The following SULF2 variants were observed in gnomAD, a reference collection of about 807,000 sequenced individuals.
SULF2 encodes extracellular sulfatase Sulf-2.
Under a neutral mutation model 107.7 loss-of-function variants are expected in SULF2, and 52 were observed. The ratio of observed to expected loss-of-function variants is 0.48; its 90% CI spans 0.39 to 0.61. SULF2 has a LOEUF of 0.61. Ranked by LOEUF, SULF2 falls within the 20% of genes least tolerant of loss-of-function variation. SULF2 has a pLI of 0.00. For synonymous variants in SULF2, 460 were observed against 464.3 expected (o/e 0.99, Z 0.12); for missense variants, 993 against 1,177.3 (o/e 0.84, Z 2.29).
chr20:47,786,150 T>C (rs1277183149), upstream of SULF2: 1 of 152,240 alleles, frequency 6.6e-6, no homozygotes, highest in African/African-American at 2.4e-5. Flanking sequence ...CAGAGCCTTG[T>C]GTGCACGTGT....
chr20:47,781,921 A>G (rs1487170962), intron 1 of SULF2, among the ~76,000 whole-genome samples: 2 of 152,168 alleles, frequency 1.3e-5, no homozygotes, highest in Non-Finnish European at 2.9e-5. Flanking sequence ...GTGGATAGGA[A>G]TGGATTCTCA....
At chr20:47,690,079 C>A (rs201675264) in intron 5 of SULF2, 47 bp downstream of exon 5, 20 of 1,357,426 alleles carry the variant, frequency 1.5e-5, no homozygotes, top group South Asian at 4.4e-5. Flanking sequence ...TGACCCTCCC[C>A]CTTCATGCTA....
chr20:47,710,074 T>A (rs976995228), intron 3 of SULF2, among the ~76,000 whole-genome samples: 5 of 152,082 alleles, frequency 3.3e-5, no homozygotes, highest in African/African-American at 7.2e-5. Context: ...GCTAATTTTT[T>A]AATTTTTAGT....
At chr20:47,733,839 A>G (rs1014552254) in intron 3 of SULF2, among the ~76,000 whole-genome samples, 14 of 152,228 alleles carry the variant, frequency 9.2e-5, no homozygotes, top group African/African-American at 3.1e-4. Context: ...TCATTTCAAG[A>G]TCAAATACCT....
intron 2 of SULF2, among the ~76,000 whole-genome samples, chr20:47,739,595 C>T (rs2089829760): frequency 6.6e-6 from 1 of 152,184 alleles, no homozygotes; most frequent in South Asian, 2.1e-4. Context: ...CTCCCGCAAC[C>T]CATAGCACTC....
intron 3 of SULF2, among the ~76,000 whole-genome samples, chr20:47,732,194 C>T (rs752782547): frequency 1.1e-4 from 16 of 152,190 alleles, no homozygotes; most frequent in Non-Finnish European, 2.4e-4. Context: ...CTGCACCCAG[C>T]CATCATTGCT....
intron 4 of SULF2, among the ~76,000 whole-genome samples, chr20:47,692,680 G>A (rs7264574): frequency 0.37 from 56,557 of 151,988 alleles, 11,025 homozygotes; most frequent in Middle Eastern, 0.51. Context: ...GCAAGTGGCC[G>A]CCCAGGCTGA....
At chr20:47,724,441 G>A (rs2089382482) in intron 3 of SULF2, among the ~76,000 whole-genome samples, 2 of 152,224 alleles carry the variant, frequency 1.3e-5, no homozygotes, top group South Asian at 2.1e-4. Context: ...GGTTGTAGCA[G>A]GGCCAGGCGG....
At chr20:47,746,682 G>A (rs2090042465) in intron 2 of SULF2, among the ~76,000 whole-genome samples, 1 of 152,160 alleles carries the variant, frequency 6.6e-6, no homozygotes, top group Non-Finnish European at 1.5e-5. Context: ...CATGTCCTTT[G>A]TAGGGACATG....
intron 7 of SULF2, among the ~76,000 whole-genome samples, chr20:47,682,304 C>G (rs942860135): frequency 2.6e-5 from 4 of 152,210 alleles, no homozygotes; most frequent in Non-Finnish European, 5.9e-5. Flanking sequence ...CACATCTGGG[C>G]ATGAGCAGAA....
At chr20:47,780,602 G>A (rs2090813488) in intron 1 of SULF2, among the ~76,000 whole-genome samples, 4 of 152,122 alleles carry the variant, frequency 2.6e-5, no homozygotes, top group African/African-American at 9.6e-5. Flanking sequence ...TGCCCAGGCT[G>A]GAGTGCAGTA....
chr20:47,660,640 GCT>G (rs2087035432), intron 18 of SULF2, among the ~76,000 whole-genome samples: 1 of 152,020 alleles, frequency 6.6e-6, no homozygotes, highest in South Asian at 2.1e-4. Context: ...TGGGGCGACA[GCT>G]CTGTCTCCCA....
intron 2 of SULF2, among the ~76,000 whole-genome samples, chr20:47,745,394 AAAAAAAAAAAAAAAAAATAT>A (rs1312779957): frequency 5.5e-4 from 10 of 18,240 alleles, no homozygotes; most frequent in Admixed American, 1.7e-3. Flanking sequence ...AAAAAAAAAA[AAAAAAAAAAAAAAAAAATAT>A]ATATATATAT....
intron 3 of SULF2, among the ~76,000 whole-genome samples, chr20:47,705,859 C>A (rs1221262538): frequency 2.7e-5 from 4 of 149,294 alleles, no homozygotes; most frequent in Non-Finnish European, 4.4e-5. Context: ...AGTGCAATGG[C>A]GTGATGTCGC....
chr20:47,724,326 T>C (rs2089378767), intron 3 of SULF2, among the ~76,000 whole-genome samples: 3 of 152,244 alleles, frequency 2.0e-5, no homozygotes, highest in African/African-American at 7.2e-5. Flanking sequence ...GAGCTGCTTC[T>C]GTCTTGCCAC....
At position 47,736,597 on chromosome 20, in the gene SULF2, G is replaced by A; in HGVS notation, c.415+106C>T. 1.4e-6 allele frequency: 2 copies of A among 1,438,132 alleles called. 1 individual carries two copies. Among genetic ancestry groups the A allele is most frequent in the South Asian group, 2.6e-5 (2 of 76,374 alleles). 89.1% of individuals were successfully genotyped at this position (1,438,132 alleles called of 1,614,324 possible). ...GAAATTATAAGAGAGTTGCTCTAGG[G>A]GCTATCCAGAATCAACTTGGGTACC... On this transcript the variant is annotated intron_variant, in intron 3 of 20. Coordinates refer to ENST00000688720, the MANE Select transcript of SULF2 (RefSeq NM_001387048.1).
At chr20:47,761,414 T>G (rs1331866078) in intron 1 of SULF2, among the ~76,000 whole-genome samples, 3 of 152,234 alleles carry the variant, frequency 2.0e-5, no homozygotes, top group Non-Finnish European at 4.4e-5. Context: ...GATTATTTGC[T>G]TAACGTGCTT....
intron 2 of SULF2, among the ~76,000 whole-genome samples, chr20:47,741,383 C>T (rs78078765): frequency 0.039 from 5,965 of 152,200 alleles, 133 homozygotes; most frequent in Non-Finnish European, 0.054. Context: ...CCCGGAGCCC[C>T]GCAGCGGTGC....
chr20:47,733,930 G>A (rs1477655792), intron 3 of SULF2, among the ~76,000 whole-genome samples: 1 of 152,222 alleles, frequency 6.6e-6, no homozygotes, highest in Admixed American at 6.5e-5. Context: ...GTCTTCCTCA[G>A]TTTGGGCTGA....
Sources: gnomAD v4.1 joint callset for allele counts (sites outside exome capture counted in the v4.1 genomes callset) on GRCh38, gnomAD v4.1.1 for gene constraint, MANE v1.5 for transcripts, NCBI Gene and HGNC (gene_info 2026-07-23, HGNC 2026-07-21) for gene names.